The following XKR6 variants were observed in gnomAD, a reference collection of about 807,000 sequenced individuals.
XKR6 encodes XK-related protein 6.
XKR6 carries 22 observed loss-of-function variants against 56.7 expected under a neutral mutation model. The ratio of observed to expected loss-of-function variants is 0.39; its 90% CI spans 0.28 to 0.55. The LOEUF (loss-of-function observed/expected upper bound fraction) is 0.55. XKR6 is among the 20% of genes least tolerant of loss of function. The probability of loss-of-function intolerance (pLI) is 0.66; values close to 1 mark genes in which losing one functional copy is unlikely to be tolerated. For missense variants in XKR6, 852 were observed against 889.0 expected (o/e 0.96, Z 0.53); for synonymous variants, 524 against 387.8 (o/e 1.35, Z -4.13).
At chr8:11,094,535 T>C (rs2129174010) in intron 1 of XKR6, among the ~76,000 whole-genome samples, 1 of 152,280 alleles carries the variant, frequency 6.6e-6, no homozygotes, top group South Asian at 2.1e-4. Flanking sequence ...CCCTCTCAAA[T>C]GGATCAGAGG....
chr8:11,086,590 A>T (rs1408180423), intron 1 of XKR6, among the ~76,000 whole-genome samples: 1 of 152,220 alleles, frequency 6.6e-6, no homozygotes, highest in East Asian at 1.9e-4. Context: ...TAGAATAAAA[A>T]GCTTTCAATG....
At chr8:11,100,690 T>A (rs1288030493) in intron 1 of XKR6, among the ~76,000 whole-genome samples, 2 of 152,118 alleles carry the variant, frequency 1.3e-5, no homozygotes, top group African/African-American at 2.4e-5. Context: ...ATGATTCTCA[T>A]CTTCTCAGAA....
chr8:11,187,956 C>T (rs1033928388), intron 1 of XKR6, among the ~76,000 whole-genome samples: 1 of 152,202 alleles, frequency 6.6e-6, no homozygotes, highest in Non-Finnish European at 1.5e-5. Flanking sequence ...ATTTTTACTT[C>T]AACTGTCATT....
chr8:11,108,250 A>G (rs1240401230), intron 1 of XKR6: 1 of 455,824 alleles, frequency 2.2e-6, no homozygotes, highest in Non-Finnish European at 4.4e-6. Flanking sequence ...TCTGTAAGGA[A>G]TAAGGAAGGA....
chr8:11,116,744 C>G (rs928164333), intron 1 of XKR6, among the ~76,000 whole-genome samples: 2 of 152,154 alleles, frequency 1.3e-5, no homozygotes, highest in East Asian at 3.8e-4. Flanking sequence ...TCAGATGTCC[C>G]CCTTACATCT....
intron 1 of XKR6, among the ~76,000 whole-genome samples, chr8:10,966,400 T>G (rs1802223793): frequency 6.6e-6 from 1 of 151,678 alleles, no homozygotes; most frequent in African/African-American, 2.4e-5. Context: ...CCGGGCATGG[T>G]GGCTCACGCC....
chr8:11,200,943 C>T lies in XKR6; in HGVS notation c.397G>A (p.Val133Met). The change falls in exon 1 of 3, where the codon GTG becomes ATG. Residue 133 changes from valine to methionine, a missense_variant. Coordinates refer to ENST00000416569, the MANE Select transcript of XKR6 (RefSeq NM_173683.4). This position sits in a 1 kb window ranked among gnomAD's most constrained non-coding sequence, Gnocchi z 6.4. ...CCGAAGAACACCAGCAGCGCCAGCA[C>T]GATCCACAGGCAGTCGAGCCACGGC... ...ERPWLDCLWI[V>M]LALLVFFGDV... 2 of 1,602,744 alleles carry T rather than the reference C, an allele frequency of 1.2e-6. No individual in the cohort carries two copies. Among genetic ancestry groups the T allele is most frequent in the South Asian group, 1.1e-5 (1 of 90,592 alleles).
intron 1 of XKR6, among the ~76,000 whole-genome samples, chr8:11,089,020 T>C (rs1384932666): frequency 1.3e-5 from 2 of 152,194 alleles, no homozygotes; most frequent in African/African-American, 4.8e-5. Context: ...GGGTGTCATA[T>C]AGTCAGAGTA....
intron 1 of XKR6, chr8:11,106,324 T>A (rs1798674047): frequency 6.6e-6 from 1 of 152,110 alleles, no homozygotes; most frequent in African/African-American, 2.4e-5. Context: ...GGGTCATACA[T>A]GGGTCTCTTC....
intron 2 of XKR6, among the ~76,000 whole-genome samples, chr8:10,900,514 T>C (rs754281474): frequency 6.6e-6 from 1 of 152,232 alleles, no homozygotes; most frequent in Admixed American, 6.5e-5. Flanking sequence ...ACTGTTACAA[T>C]GGGCATGTGT....
chr8:11,197,920 G>A (rs1012238498), intron 1 of XKR6, among the ~76,000 whole-genome samples: 1 of 152,122 alleles, frequency 6.6e-6, no homozygotes, highest in Non-Finnish European at 1.5e-5. Context: ...AAAATGTAAA[G>A]AGACAAGTAT....
chr8:11,050,777 C>A (rs11777486), intron 1 of XKR6, among the ~76,000 whole-genome samples: 61,521 of 151,694 alleles, frequency 0.41, 13,544 homozygotes, highest in East Asian at 0.81. Context: ...CTCATGTCCC[C>A]ACAGACGGAT....
At chr8:10,958,381 A>C (rs1448188009) in intron 1 of XKR6, among the ~76,000 whole-genome samples, 4 of 152,188 alleles carry the variant, frequency 2.6e-5, no homozygotes, top group Admixed American at 1.3e-4. Context: ...CTTCGTTTTC[A>C]CTGTGCTTCA....
intron 1 of XKR6, among the ~76,000 whole-genome samples, chr8:11,084,550 C>T (rs1041138657): frequency 1.3e-5 from 2 of 152,114 alleles, no homozygotes; most frequent in Admixed American, 6.5e-5. Flanking sequence ...TAGCACCTAC[C>T]GCTAATGAAA....
intron 1 of XKR6, among the ~76,000 whole-genome samples, chr8:10,991,708 T>A (rs564584860): frequency 1.3e-5 from 2 of 152,304 alleles, no homozygotes; most frequent in South Asian, 4.2e-4. Flanking sequence ...GAATCATGAT[T>A]TCTAAATTTA....
intron 1 of XKR6, among the ~76,000 whole-genome samples, chr8:10,947,131 C>T (rs185941064): frequency 1.3e-5 from 2 of 152,124 alleles, no homozygotes; most frequent in Admixed American, 1.3e-4. Context: ...CACAGTAGTC[C>T]CAGTGACTAC....
chr8:10,910,856 C>T (rs1412494591), intron 2 of XKR6, among the ~76,000 whole-genome samples: 3 of 152,238 alleles, frequency 2.0e-5, no homozygotes, highest in Non-Finnish European at 2.9e-5. Flanking sequence ...AGCCACCCAG[C>T]TGGCATGGCA....
In XKR6 at chr8:11,160,779, T is replaced by C. The variant is rs1043495722; in HGVS notation, c.764+39797A>G. Among the ~76,000 whole-genome samples, 10 of 151,826 alleles carry C rather than the reference T, an allele frequency of 6.6e-5. No homozygotes were observed. In the South Asian group the frequency reaches 1.7e-3, roughly 25 times the overall value. On this transcript the variant is annotated intron_variant, in intron 1 of 2. Coordinates refer to ENST00000416569, the MANE Select transcript of XKR6 (RefSeq NM_173683.4). ...AAAAATTAGCTGGGTATGGTGGCAC[T>C]TGCCTGTATGTAGTCCCAGCTACTC...
At chr8:11,035,485 C>G (rs983955299) in intron 1 of XKR6, among the ~76,000 whole-genome samples, 4 of 152,100 alleles carry the variant, frequency 2.6e-5, no homozygotes, top group African/African-American at 9.7e-5. Context: ...CTCATCACAT[C>G]TACATAAAGG....
Sources: allele counts gnomAD v4.1 joint callset (sites outside exome capture counted in the v4.1 genomes callset), GRCh38; gene constraint gnomAD v4.1.1; non-coding constraint Gnocchi (gnomAD v3.1); transcripts MANE v1.5; gene names NCBI Gene and HGNC (gene_info 2026-07-23, HGNC 2026-07-21).